The following ATAD2B variants were observed in gnomAD, a reference collection of about 807,000 sequenced individuals.
The protein encoded by ATAD2B is ATPase family AAA domain-containing protein 2B.
A neutral mutation model predicts 167.6 loss-of-function variants in ATAD2B; 40 were observed. The observed-to-expected ratio is 0.24, with a 90% CI of 0.19 to 0.31. ATAD2B has a LOEUF of 0.31. ATAD2B is among the 10% of genes least tolerant of loss of function. The pLI is 1.00. For synonymous variants in ATAD2B, 579 were observed against 596.5 expected, an observed-to-expected ratio of 0.97 and a Z score of 0.43; for missense variants, 1,242 against 1,757.2, an observed-to-expected ratio of 0.71 and a Z score of 5.24.
intron 22 of ATAD2B, among the ~76,000 whole-genome samples, chr2:23,775,222 A>T (rs74175027): frequency 0.56 from 81,579 of 146,798 alleles, 23,363 homozygotes; most frequent in East Asian, 0.83. Context: ...TTTATGTTTT[A>T]TTTTTTTTTT....
At chr2:23,911,628 C>A (rs890548626) in intron 1 of ATAD2B, among the ~76,000 whole-genome samples, 1 of 151,886 alleles carries the variant, frequency 6.6e-6, no homozygotes, top group Non-Finnish European at 1.5e-5. Flanking sequence ...GGGGGCGAAG[C>A]GAAGCTAATA....
the ATAD2B span, chr2:23,703,726 G>A: frequency 6.5e-7 from 1 of 1,536,258 alleles, no homozygotes; most frequent in South Asian, 1.2e-5. Flanking sequence ...CAGACAACAA[G>A]TATGCCCCCG....
intron 1 of ATAD2B, among the ~76,000 whole-genome samples, chr2:23,925,261 A>G (rs1310793886): frequency 6.6e-6 from 1 of 152,204 alleles, no homozygotes; most frequent in East Asian, 1.9e-4. Context: ...AAAATAGTCT[A>G]TTAAATAGGA....
intron 1 of ATAD2B, among the ~76,000 whole-genome samples, chr2:23,906,406 C>T (rs1158815979): frequency 6.6e-6 from 1 of 152,064 alleles, no homozygotes; most frequent in African/African-American, 2.4e-5. Context: ...AGAAAACCTG[C>T]ATGCCAACCG....
chr2:23,751,932 G>C lies in ATAD2B; in HGVS notation c.*114C>G. 2.4e-6 allele frequency: 2 copies of C among 837,866 alleles called. No homozygotes were observed. Among genetic ancestry groups the C allele is most frequent in the Non-Finnish European group, 3.8e-6 (2 of 526,088 alleles). The allele number at this position is 837,866 out of a possible 1,614,324, so 51.9% of individuals were successfully genotyped here. On this transcript the variant is annotated 3_prime_UTR_variant, in exon 28 of 28. Transcript: ENST00000238789. ...CAACAGAGAGAAAGAATGAGTGAGA[G>C]AGCACTTTACACCAAGGCTCTGCAC...
At chr2:23,696,727 A>C in the ATAD2B span, 1 of 495,866 alleles carries the variant, frequency 2.0e-6, no homozygotes, top group Non-Finnish European at 3.5e-6. The surrounding 1 kb of genome is among the most constrained non-coding windows in gnomAD (Gnocchi z 5.5). Flanking sequence ...TCACCTTTGC[A>C]GTCGCTGAGA....
At chr2:23,819,693 A>G (rs1378038745) in intron 17 of ATAD2B, 54 bp downstream of exon 17, 1 of 1,353,798 alleles carries the variant, frequency 7.4e-7, no homozygotes, top group African/African-American at 1.5e-5. Context: ...AATTCTAATC[A>G]TAAAGTATCA....
At chr2:23,831,619 G>A (rs763818556) in intron 14 of ATAD2B, among the ~76,000 whole-genome samples, 1 of 152,058 alleles carries the variant, frequency 6.6e-6, no homozygotes, top group African/African-American at 2.4e-5. Context: ...GAAGCAATCA[G>A]AAAAAAACTT....
chr2:23,694,610 T>TTCTCCCTG, the ATAD2B span, among the ~76,000 whole-genome samples: 1 of 152,196 alleles, frequency 6.6e-6, no homozygotes, highest in South Asian at 2.1e-4. Flanking sequence ...CTCCTCTCAC[T>TTCTCCCTG]TCTCCCTGTC....
At chr2:23,776,214 T>C (rs1182765841) in intron 22 of ATAD2B, among the ~76,000 whole-genome samples, 1 of 152,232 alleles carries the variant, frequency 6.6e-6, no homozygotes, top group Non-Finnish European at 1.5e-5. Context: ...ATCCTGCCCA[T>C]AAATCTGTTC....
At chr2:23,810,563 T>C in intron 17 of ATAD2B, 61 bp from the exon 18 acceptor site, 4 of 1,400,982 alleles carry the variant, frequency 2.9e-6, no homozygotes, top group Non-Finnish European at 2.9e-6. Context: ...AAATATGAAA[T>C]ATCAGGCAAA....
intron 1 of ATAD2B, among the ~76,000 whole-genome samples, chr2:23,906,760 T>A (rs376257449): frequency 1.3e-5 from 2 of 151,840 alleles, no homozygotes; most frequent in African/African-American, 4.8e-5. Flanking sequence ...ATCAAAAAGC[T>A]TATCCACCAT....
chr2:23,705,714 A>G, the ATAD2B span, among the ~76,000 whole-genome samples: 3 of 152,188 alleles, frequency 2.0e-5, no homozygotes, highest in Non-Finnish European at 4.4e-5. Context: ...TTGAAAAGGT[A>G]TGTGTCCAAT....
chr2:23,746,254 A>G (rs1674874481), downstream of ATAD2B, among the ~76,000 whole-genome samples: 3 of 152,230 alleles, frequency 2.0e-5, no homozygotes, highest in Admixed American at 2.0e-4. Flanking sequence ...TCAACTCTGG[A>G]GCCAAACTGC....
the ATAD2B span, among the ~76,000 whole-genome samples, chr2:23,693,869 C>T: frequency 6.6e-6 from 1 of 152,112 alleles, no homozygotes; most frequent in South Asian, 2.1e-4. Context: ...ATGGACAGCC[C>T]GCAATGGACC....
intron 18 of ATAD2B, 130 bp from the exon 19 acceptor site, chr2:23,798,453 C>T (rs1417531153): frequency 3.1e-6 from 2 of 649,902 alleles, no homozygotes; most frequent in Non-Finnish European, 4.9e-6. Context: ...AATTTAAGTT[C>T]AAGATATGAT....
chr2:23,848,959 T>C (rs960742437), intron 13 of ATAD2B, among the ~76,000 whole-genome samples: 2 of 152,108 alleles, frequency 1.3e-5, no homozygotes, highest in African/African-American at 4.8e-5. Flanking sequence ...ATATAGTATA[T>C]ATATTATACC....
At chr2:23,828,560 T>C (rs1688584768) in intron 15 of ATAD2B, among the ~76,000 whole-genome samples, 1 of 152,172 alleles carries the variant, frequency 6.6e-6, no homozygotes. Context: ...TAAGAGGGAA[T>C]GATATTCAAA....
the ATAD2B span, among the ~76,000 whole-genome samples, chr2:23,692,485 G>A: frequency 6.6e-6 from 1 of 152,230 alleles, no homozygotes. Flanking sequence ...AGAAGCAGTG[G>A]CCTGGGGTGT....
Sources: gnomAD v4.1 joint callset for allele counts (sites outside exome capture counted in the v4.1 genomes callset) on GRCh38, gnomAD v4.1.1 for gene constraint, Gnocchi (gnomAD v3.1) non-coding constraint, MANE v1.5 for transcripts, NCBI Gene and HGNC (gene_info 2026-07-23, HGNC 2026-07-21) for gene names.